The following NUBPL variants were observed in gnomAD, a reference collection of about 807,000 sequenced individuals.
The protein encoded by NUBPL is NUBP iron-sulfur cluster assembly factor, mitochondrial.
A neutral mutation model predicts 45.7 loss-of-function variants in NUBPL; 31 were observed. The ratio of observed to expected loss-of-function variants is 0.68; its 90% CI spans 0.51 to 0.92. NUBPL has a LOEUF of 0.92. Among genes scored for constraint, NUBPL ranks in the 40% least tolerant of loss-of-function variants. The probability of loss-of-function intolerance (pLI) is 0.00; values close to 1 mark genes in which losing one functional copy is unlikely to be tolerated. For missense variants in NUBPL, 401 were observed against 398.7 expected, an observed-to-expected ratio of 1.01 and a Z score of -0.05; for synonymous variants, 144 against 140.9, an observed-to-expected ratio of 1.02 and a Z score of -0.15.
intron 7 of NUBPL, among the ~76,000 whole-genome samples, chr14:31,812,822 A>G (rs986015897): frequency 2.6e-5 from 4 of 152,066 alleles, no homozygotes; most frequent in African/African-American, 9.7e-5. Context: ...CAGGGAGGAG[A>G]GAGAAGGAGA....
chr14:31,644,040 T>C (rs2035778129), intron 4 of NUBPL, among the ~76,000 whole-genome samples: 1 of 152,042 alleles, frequency 6.6e-6, no homozygotes, highest in Non-Finnish European at 1.5e-5. Context: ...CTCTTTTTTC[T>C]TAGTTAATCT....
At chr14:31,682,620 T>A (rs2036859802) in intron 6 of NUBPL, among the ~76,000 whole-genome samples, 1 of 152,234 alleles carries the variant, frequency 6.6e-6, no homozygotes, top group South Asian at 2.1e-4. Flanking sequence ...ATGAAATATT[T>A]CTTGAATTCC....
At chr14:31,641,969 TTGTA>T (rs200205124) in intron 4 of NUBPL, among the ~76,000 whole-genome samples, 1,610 of 152,326 alleles carry the variant, frequency 0.011, 23 homozygotes, top group African/African-American at 0.037. Context: ...TTGTTGGCCT[TTGTA>T]TGTCTTCTTT....
intron 7 of NUBPL, among the ~76,000 whole-genome samples, chr14:31,797,892 T>C (rs1430580771): frequency 7.3e-6 from 1 of 137,662 alleles, no homozygotes; most frequent in African/African-American, 2.9e-5. Context: ...CTTTCCATGT[T>C]TAGCGCTTCC....
intron 4 of NUBPL, among the ~76,000 whole-genome samples, chr14:31,622,995 A>T (rs1271902355): frequency 4.6e-5 from 7 of 152,336 alleles, no homozygotes; most frequent in Admixed American, 4.6e-4. Context: ...ACTCAATGTC[A>T]GTTCATGAAA....
intron 3 of NUBPL, among the ~76,000 whole-genome samples, chr14:31,597,146 G>C (rs546634306): frequency 6.6e-6 from 1 of 151,414 alleles, no homozygotes; most frequent in African/African-American, 2.4e-5. Context: ...TCCTCCCTTT[G>C]TTTCCTTTTT....
intron 6 of NUBPL, among the ~76,000 whole-genome samples, chr14:31,680,665 C>G (rs2036810940): frequency 6.6e-6 from 1 of 152,010 alleles, no homozygotes; most frequent in Admixed American, 6.6e-5. Context: ...CATGAAGGCT[C>G]AAGTCTCTTA....
chr14:31,762,449 A>G (rs935479737), intron 6 of NUBPL, among the ~76,000 whole-genome samples: 1 of 152,206 alleles, frequency 6.6e-6, no homozygotes, highest in African/African-American at 2.4e-5. Flanking sequence ...TCTTCCTCTT[A>G]TATGGAAATC....
rs2033272356 is a variant in NUBPL at position 31,561,448 on chromosome 14, T to G, written c.9T>G (p.Ile3Met). The change falls in exon 1 of 11, where the codon ATT (isoleucine) becomes ATG (methionine). Residue 3 changes from isoleucine (I) to methionine (M), a missense_variant. Transcript: ENST00000281081. ...CAGCAGCGTTCCGCGTCATGGGGATTTGGCAGCGTCTGCTGCTTTTTGGTG... is the reference window on the plus strand; with the variant it reads ...CAGCAGCGTTCCGCGTCATGGGGATGTGGCAGCGTCTGCTGCTTTTTGGTG... MGIWQRLLLFGGV... is the reference protein window; with the variant it reads MGMWQRLLLFGGV... 1 of 1,414,916 alleles carries G rather than the reference T, an allele frequency of 7.1e-7. No homozygotes were observed. The highest frequency in any genetic ancestry group is 9.3e-7 in the Non-Finnish European group (1 of 1,074,308). 87.6% of individuals were successfully genotyped at this position (1,414,916 alleles called of 1,614,324 possible). A position where few individuals can be genotyped will look rare whatever the true frequency, so the allele number is the denominator to read the frequency against.
chr14:31,653,745 G>T lies in NUBPL; in HGVS notation c.383-19610G>T, dbSNP rs933480540. 5.9e-5 allele frequency among the ~76,000 whole-genome samples: 9 copies of T among 152,320 alleles called. 1 individual carries two copies. In the Middle Eastern group the frequency reaches 0.01, roughly 173 times the overall value. On this transcript the variant is annotated intron_variant, in intron 4 of 10. Transcript: ENST00000281081. ...AGAGATTAAAGTAAGACAGGCATAA[G>T]AAATTATAAGAGCATTATTTGGGAA...
At chr14:31,702,255 T>C (rs1315028566) in intron 6 of NUBPL, among the ~76,000 whole-genome samples, 5 of 152,350 alleles carry the variant, frequency 3.3e-5, no homozygotes, top group South Asian at 2.1e-4. Flanking sequence ...ATAATACGGG[T>C]GTAGCATTGC....
chr14:31,627,720 C>G (rs1287321717), intron 4 of NUBPL, among the ~76,000 whole-genome samples: 2 of 145,374 alleles, frequency 1.4e-5, no homozygotes, highest in Non-Finnish European at 3.0e-5. Flanking sequence ...GAGCTGAGAT[C>G]GTGCCACTGC....
At chr14:31,614,458 G>T (rs564286780) in intron 4 of NUBPL, among the ~76,000 whole-genome samples, 18 of 152,232 alleles carry the variant, frequency 1.2e-4, no homozygotes, top group Non-Finnish European at 1.8e-4. Flanking sequence ...GGTGAAAAAG[G>T]TTATACACAC....
At chr14:31,723,238 G>A (rs1471598361) in intron 6 of NUBPL, among the ~76,000 whole-genome samples, 1 of 152,154 alleles carries the variant, frequency 6.6e-6, no homozygotes, top group Non-Finnish European at 1.5e-5. Flanking sequence ...GCTTGTCAAA[G>A]ACCAGATGGT....
chr14:31,680,390 C>A (rs923288039), intron 6 of NUBPL, among the ~76,000 whole-genome samples: 5 of 151,992 alleles, frequency 3.3e-5, no homozygotes, highest in African/African-American at 7.2e-5. Context: ...TTAGGAAGTT[C>A]CTTCCTGTTT....
chr14:31,626,497 T>C (rs2035211200), intron 4 of NUBPL, among the ~76,000 whole-genome samples: 1 of 152,198 alleles, frequency 6.6e-6, no homozygotes, highest in Non-Finnish European at 1.5e-5. Context: ...CCTTCCTCTT[T>C]CCTTTTTATC....
intron 7 of NUBPL, among the ~76,000 whole-genome samples, chr14:31,820,287 T>C (rs1359408146): frequency 1.3e-5 from 2 of 152,140 alleles, no homozygotes; most frequent in African/African-American, 4.8e-5. Context: ...TTACAGTCAG[T>C]AGAGAGAGCA....
At chr14:31,689,083 G>A (rs55701649) in intron 6 of NUBPL, among the ~76,000 whole-genome samples, 46,793 of 151,782 alleles carry the variant, frequency 0.31, 7,809 homozygotes, top group South Asian at 0.41. Flanking sequence ...AGGCATTTAG[G>A]TTGATTCCGT....
At chr14:31,704,612 A>G (rs1360671302) in intron 6 of NUBPL, among the ~76,000 whole-genome samples, 1 of 152,032 alleles carries the variant, frequency 6.6e-6, no homozygotes, top group East Asian at 1.9e-4. Context: ...GCTGTGAGCC[A>G]AGATCATGCC....
Sources: gnomAD v4.1 joint callset for allele counts (sites outside exome capture counted in the v4.1 genomes callset) on GRCh38, gnomAD v4.1.1 for gene constraint, MANE v1.5 for transcripts, NCBI Gene and HGNC (gene_info 2026-07-23, HGNC 2026-07-21) for gene names.